ZNF451: variants seen among roughly 807,000 people sequenced by gnomAD.
ZNF451 encodes the protein E3 SUMO-protein ligase ZNF451.
ZNF451 carries 80 observed loss-of-function variants against 107.1 expected under a neutral mutation model. The observed-to-expected ratio is 0.75, with a 90% CI of 0.62 to 0.90. The LOEUF (loss-of-function observed/expected upper bound fraction) is 0.90, where lower values mean the gene tolerates loss of function less well. Ranked by LOEUF, ZNF451 falls within the 40% of genes least tolerant of loss-of-function variation. The probability of loss-of-function intolerance (pLI) is 0.00; values close to 1 mark genes in which losing one functional copy is unlikely to be tolerated. For missense variants in ZNF451, 1,107 were observed against 1,236.2 expected, an observed-to-expected ratio of 0.90 and a Z score of 1.57; for synonymous variants, 362 against 406.5, an observed-to-expected ratio of 0.89 and a Z score of 1.32.
intron 5 of ZNF451, among the ~76,000 whole-genome samples, chr6:57,130,858 G>A (rs188574361): frequency 7.2e-5 from 11 of 152,254 alleles, no homozygotes; most frequent in Non-Finnish European, 1.2e-4. Context: ...GTTAAGGTCT[G>A]TAGTTATGAT....
At chr6:57,123,493 A>G (rs1282238508) in intron 3 of ZNF451, among the ~76,000 whole-genome samples, 1 of 152,160 alleles carries the variant, frequency 6.6e-6, no homozygotes, top group Non-Finnish European at 1.5e-5. Context: ...GGAACAATAA[A>G]CACTGGGGAC....
At chr6:57,100,724 C>T in intron 3 of ZNF451, 2 of 1,550,474 alleles carry the variant, frequency 1.3e-6, no homozygotes, top group Non-Finnish European at 1.7e-6. Flanking sequence ...TCCAGCAGTC[C>T]AGAAAGGATA....
At position 57,148,528 on chromosome 6, in the gene ZNF451, T is replaced by C; in HGVS notation, c.2443T>C (p.Leu815=). 1 of 1,614,152 alleles carries C rather than the reference T, an allele frequency of 6.2e-7. No homozygotes were observed. Among genetic ancestry groups the C allele is most frequent in the Non-Finnish European group, 8.5e-7 (1 of 1,179,982 alleles). Residue 815 remains leucine, a synonymous_variant, in exon 10 of 15, where the codon TTA becomes CTA. Transcript: ENST00000370706. ...QQHFHRKHCF[L]QKPSVAHFGS... Reference sequence around the variant, plus strand: ...GCATTTCCATAGAAAACATTGCTTCTTACAGAAACCCAGTGTGGCTCATTT... The same window carrying C: ...GCATTTCCATAGAAAACATTGCTTCCTACAGAAACCCAGTGTGGCTCATTT...
intron 6 of ZNF451, 45 bp from the exon 7 acceptor site, chr6:57,134,699 A>G (rs1224436162): frequency 6.3e-7 from 1 of 1,577,442 alleles, no homozygotes. Context: ...TTTCCCTAGA[A>G]TGTAGATTTA....
intron 2 of ZNF451, among the ~76,000 whole-genome samples, chr6:57,095,811 T>TGTTGTTG (rs200661325): frequency 2.3e-5 from 3 of 130,858 alleles, no homozygotes; most frequent in Non-Finnish European, 3.3e-5. Context: ...GCAGCTTTTT[T>TGTTGTTG]TTTTTGTTGT....
chr6:57,140,871 T>C (rs907907194), intron 7 of ZNF451, among the ~76,000 whole-genome samples: 14 of 152,306 alleles, frequency 9.2e-5, no homozygotes, highest in African/African-American at 3.4e-4. Flanking sequence ...CATTCCCCCT[T>C]ATTTCTATGT....
At chr6:57,131,275 A>G (rs892226649) in intron 5 of ZNF451, among the ~76,000 whole-genome samples, 27 of 152,274 alleles carry the variant, frequency 1.8e-4, no homozygotes, top group African/African-American at 6.3e-4. Flanking sequence ...TTAGTATTAT[A>G]ATTTTTAAAA....
Position 57,157,336 on chromosome 6 carries a change from T to C in ZNF451, c.3070+3289T>C, listed in dbSNP as rs574266929. Among the ~76,000 whole-genome samples, 4 of 152,338 alleles carry C rather than the reference T, an allele frequency of 2.6e-5. No homozygotes were observed. In the South Asian group the frequency reaches 8.3e-4, roughly 32 times the overall value. ...AATTAGTCTTTGCTAATTTCTCTGT[T>C]AATTGAAAGTCTTTCCAGAGGTACT... On this transcript the variant is annotated intron_variant, in intron 13 of 14. Transcript: ENST00000370706.
At chr6:57,134,685 G>T in intron 6 of ZNF451, 59 bp from the exon 7 acceptor site, 1 of 1,528,616 alleles carries the variant, frequency 6.5e-7, no homozygotes, top group African/African-American at 1.4e-5. Flanking sequence ...AAGCGACATA[G>T]TTGTTTCCCT....
chr6:57,163,436 C>CTTTTTTTTTTTTTTTTTTTTTTTT lies in ZNF451; in HGVS notation c.3139+2293_3139+2316dup, dbSNP rs398001706. ...AATGGTTGCTTGTTAAATGAATAAACTTTTTTTTTTTTTTTTTTTTTTTTT... is the reference window on the plus strand; with the variant it reads ...AATGGTTGCTTGTTAAATGAATAAACTTTTTTTTTTTTTTTTTTTTTTTTTTTTTTTTTTTTTTTTTTTTTTTTT... On this transcript the variant is annotated intron_variant, in intron 14 of 14. Coordinates refer to ENST00000370706, the MANE Select transcript of ZNF451 (RefSeq NM_001031623.3). Among the ~76,000 whole-genome samples the CTTTTTTTTTTTTTTTTTTTTTTTT allele has an allele frequency of 4.6e-4, 14 of 30,340 alleles. 6 individuals are homozygous for CTTTTTTTTTTTTTTTTTTTTTTTT. Among genetic ancestry groups the CTTTTTTTTTTTTTTTTTTTTTTTT allele is most frequent in the Non-Finnish European group, 6.7e-4 (11 of 16,452 alleles). The allele number at this position is 30,340 out of a possible 152,430, so 19.9% of individuals were successfully genotyped here.
Position 57,166,489 on chromosome 6 carries a change from T to G in ZNF451, c.3140-1934T>G, listed in dbSNP as rs191155261. ...ATAGAGAAATATTTTCTTTATATCC[T>G]TATTCTATAAGCTTTTCCCTACTTT... On this transcript the variant is annotated intron_variant, in intron 14 of 14. Transcript: ENST00000370706. 1.2e-4 allele frequency among the ~76,000 whole-genome samples: 19 copies of G among 152,348 alleles called. No individual in the cohort carries two copies. The East Asian group carries it at 3.3e-3, about 26-fold the overall frequency.
intron 7 of ZNF451, among the ~76,000 whole-genome samples, chr6:57,139,451 T>C (rs184979918): frequency 3.3e-5 from 5 of 152,320 alleles, no homozygotes. Context: ...GTGCTCGGTA[T>C]AAATAAAAAT....
At chr6:57,163,853 G>A (rs1003789406) in intron 14 of ZNF451, among the ~76,000 whole-genome samples, 2 of 152,154 alleles carry the variant, frequency 1.3e-5, no homozygotes, top group Non-Finnish European at 2.9e-5. Flanking sequence ...TTTTGTTATA[G>A]AATATTGGGT....
At chr6:57,163,597 C>T (rs1306738422) in intron 14 of ZNF451, among the ~76,000 whole-genome samples, 2 of 150,036 alleles carry the variant, frequency 1.3e-5, no homozygotes, top group Admixed American at 6.6e-5. Flanking sequence ...ACTACAGGCG[C>T]CCGCCACCAC....
chr6:57,152,761 T>C (rs1832408972), intron 12 of ZNF451, among the ~76,000 whole-genome samples: 1 of 152,060 alleles, frequency 6.6e-6, no homozygotes, highest in South Asian at 2.1e-4. Flanking sequence ...GCCCAGCTAA[T>C]ACTTGTATTT....
intron 14 of ZNF451, chr6:57,165,747 A>G (rs1348266442): frequency 6.6e-6 from 1 of 152,210 alleles, no homozygotes. Context: ...ATGCTATATC[A>G]TGTAGCCTGT....
Position 57,134,798 on chromosome 6 carries a change from C to T in ZNF451, c.630C>T (p.Ser210=). Reference sequence around the variant, plus strand: ...TTACACTACATGGACCTTTCTTCAGCTCCTTTGCTTGTGTAGTATGTTATA... The same window carrying T: ...TTACACTACATGGACCTTTCTTCAGTTCCTTTGCTTGTGTAGTATGTTATA... ...PTITLHGPFF[S]SFACVVCYKK... is the part of the protein sequence containing the mutation. Residue 210 remains serine, a synonymous_variant, in exon 7 of 15, where the codon AGC becomes AGT. Coordinates refer to ENST00000370706, the MANE Select transcript of ZNF451 (RefSeq NM_001031623.3). 2.5e-6 allele frequency: 4 copies of T among 1,612,984 alleles called. No homozygotes were observed. The highest frequency in any genetic ancestry group is 3.4e-6 in the Non-Finnish European group (4 of 1,179,478).
intron 9 of ZNF451, among the ~76,000 whole-genome samples, chr6:57,146,889 C>T (rs1832090949): frequency 6.6e-6 from 1 of 151,972 alleles, no homozygotes; most frequent in Non-Finnish European, 1.5e-5. Context: ...TGTATTTTAA[C>T]TAGAAATAGA....
intron 13 of ZNF451, 119 bp downstream of exon 13, chr6:57,154,166 TCTTA>T: frequency 2.1e-6 from 2 of 931,290 alleles, no homozygotes; most frequent in African/African-American, 1.6e-5. Flanking sequence ...CATCATGTTC[TCTTA>T]CTTCTATCTT....
Sources: allele counts gnomAD v4.1 joint callset (sites outside exome capture counted in the v4.1 genomes callset), GRCh38; gene constraint gnomAD v4.1.1; transcripts MANE v1.5; gene names NCBI Gene and HGNC (gene_info 2026-07-23, HGNC 2026-07-21).